Variants in TACR1 observed in about 807,000 individuals in gnomAD.
TACR1 encodes the protein tachykinin receptor 1, also known as substance-P receptor.
A neutral mutation model predicts 35.8 loss-of-function variants in TACR1; 25 were observed. The ratio of observed to expected loss-of-function variants is 0.70; its 90% CI spans 0.51 to 0.98. The LOEUF is 0.98. Among genes scored for constraint, TACR1 ranks in the 50% least tolerant of loss-of-function variants. TACR1 has a pLI of 0.00. For synonymous variants in TACR1, 195 were observed against 206.7 expected (o/e 0.94, Z 0.48); for missense variants, 478 against 522.9 (o/e 0.91, Z 0.84).
At chr2:75,085,375 T>C (rs1307267432) in intron 2 of TACR1, among the ~76,000 whole-genome samples, 1 of 152,142 alleles carries the variant, frequency 6.6e-6, no homozygotes, top group Admixed American at 6.5e-5. Context: ...TGTCCTGCAA[T>C]CATTTCTCTT....
At chr2:75,064,375 T>TGA (rs1672727620) in intron 2 of TACR1, among the ~76,000 whole-genome samples, 1 of 152,224 alleles carries the variant, frequency 6.6e-6, no homozygotes. Context: ...TTTGAATTGC[T>TGA]GAGAGAGGAC....
chr2:75,165,410 A>G (rs760131526), intron 1 of TACR1, among the ~76,000 whole-genome samples: 2 of 151,896 alleles, frequency 1.3e-5, no homozygotes, highest in South Asian at 2.1e-4. Context: ...CAGGGTTCAC[A>G]CCACTCTCCT....
intron 2 of TACR1, among the ~76,000 whole-genome samples, chr2:75,056,935 A>C (rs376831364): frequency 2.0e-5 from 3 of 152,226 alleles, no homozygotes; most frequent in South Asian, 4.1e-4. Context: ...CAAAAATTGA[A>C]AGCCAGGACT....
At chr2:75,089,647 T>C (rs1283837387) in intron 2 of TACR1, among the ~76,000 whole-genome samples, 2 of 152,118 alleles carry the variant, frequency 1.3e-5, no homozygotes, top group Non-Finnish European at 2.9e-5. Flanking sequence ...TTTAGAGAAA[T>C]GAGATGTTTG....
At chr2:75,158,592 G>C (rs1021580620) in intron 1 of TACR1, among the ~76,000 whole-genome samples, 1 of 152,194 alleles carries the variant, frequency 6.6e-6, no homozygotes, top group African/African-American at 2.4e-5. Flanking sequence ...CTGGGTGATT[G>C]CCATATATTT....
At chr2:75,049,949 T>C (rs548706139) in intron 4 of TACR1, among the ~76,000 whole-genome samples, 7 of 152,320 alleles carry the variant, frequency 4.6e-5, no homozygotes, top group African/African-American at 1.7e-4. Flanking sequence ...GAACAATCTT[T>C]ATGTGAAATA....
chr2:75,101,032 G>A (rs1673525105), intron 2 of TACR1, among the ~76,000 whole-genome samples: 1 of 151,834 alleles, frequency 6.6e-6, no homozygotes, highest in Non-Finnish European at 1.5e-5. Flanking sequence ...TGAAAAATGT[G>A]GTTGCTGTAT....
chr2:75,071,449 C>T (rs1672876945), intron 2 of TACR1, among the ~76,000 whole-genome samples: 1 of 152,208 alleles, frequency 6.6e-6, no homozygotes, highest in South Asian at 2.1e-4. Flanking sequence ...AATCCCTTCC[C>T]GCTCTCATAT....
intron 1 of TACR1, among the ~76,000 whole-genome samples, chr2:75,174,107 A>G (rs554647866): frequency 8.5e-5 from 13 of 152,180 alleles, no homozygotes; most frequent in Non-Finnish European, 1.6e-4. Context: ...ACCATCTCTG[A>G]ATTCTGTGGT....
At chr2:75,166,161 A>T (rs1427290672) in intron 1 of TACR1, among the ~76,000 whole-genome samples, 1 of 152,232 alleles carries the variant, frequency 6.6e-6, no homozygotes, top group African/African-American at 2.4e-5. Flanking sequence ...TAAAACATTC[A>T]TTATTTAATA....
At chr2:75,093,385 GCTC>G (rs1273236367) in intron 2 of TACR1, among the ~76,000 whole-genome samples, 2 of 152,206 alleles carry the variant, frequency 1.3e-5, no homozygotes, top group Non-Finnish European at 2.9e-5. Context: ...TGTAAGCCTT[GCTC>G]TCTTAGCTAG....
chr2:75,103,122 C>A (rs1673571735), intron 2 of TACR1, among the ~76,000 whole-genome samples: 2 of 152,216 alleles, frequency 1.3e-5, no homozygotes, highest in Admixed American at 1.3e-4. Flanking sequence ...AAGCAGAGAA[C>A]CATTTGACAG....
At chr2:75,145,862 G>T (rs974668338) in intron 1 of TACR1, among the ~76,000 whole-genome samples, 1 of 152,120 alleles carries the variant, frequency 6.6e-6, no homozygotes, top group Non-Finnish European at 1.5e-5. Flanking sequence ...AAAGTAGATG[G>T]GATATATATT....
intron 1 of TACR1, among the ~76,000 whole-genome samples, chr2:75,185,007 T>C (rs1255748174): frequency 6.6e-6 from 1 of 151,930 alleles, no homozygotes. Context: ...TGTTTTAGAT[T>C]ATGAATCCAG....
At chr2:75,158,944 T>G (rs1388007774) in intron 1 of TACR1, among the ~76,000 whole-genome samples, 1 of 152,214 alleles carries the variant, frequency 6.6e-6, no homozygotes, top group Non-Finnish European at 1.5e-5. Flanking sequence ...ATGGAGCTAG[T>G]AATTGTACCA....
chr2:75,152,030 A>C (rs1197005377), intron 1 of TACR1, among the ~76,000 whole-genome samples: 1 of 152,130 alleles, frequency 6.6e-6, no homozygotes, highest in East Asian at 1.9e-4. Context: ...GTATTTACCC[A>C]ATATCTGTAC....
chr2:75,091,679 G>T (rs1048022792), intron 2 of TACR1, among the ~76,000 whole-genome samples: 2 of 152,028 alleles, frequency 1.3e-5, no homozygotes, highest in Non-Finnish European at 2.9e-5. Flanking sequence ...ATCACTCTTA[G>T]CCATGACTGA....
chr2:75,133,710 A>G (rs919854407), intron 1 of TACR1, among the ~76,000 whole-genome samples: 1 of 152,212 alleles, frequency 6.6e-6, no homozygotes, highest in African/African-American at 2.4e-5. Context: ...TTCTCTGAAC[A>G]TATAAACATA....
chr2:75,057,218 A>G (rs1045374472), intron 2 of TACR1, among the ~76,000 whole-genome samples: 1 of 150,066 alleles, frequency 6.7e-6, no homozygotes, highest in Non-Finnish European at 1.5e-5. Flanking sequence ...TACCTTGTGA[A>G]ATTCCTTCTC....
Sources: allele counts gnomAD v4.1 joint callset (sites outside exome capture counted in the v4.1 genomes callset), GRCh38; gene constraint gnomAD v4.1.1; transcripts MANE v1.5; gene names NCBI Gene and HGNC (gene_info 2026-07-23, HGNC 2026-07-21).